EXOC4: variants seen among roughly 807,000 people sequenced by gnomAD.
EXOC4 encodes SEC8-like 1.
Under a neutral mutation model 107.2 loss-of-function variants are expected in EXOC4, and 71 were observed. The ratio of observed to expected loss-of-function variants is 0.66; its 90% CI spans 0.55 to 0.81. EXOC4 has a LOEUF of 0.81. Ranked by LOEUF, EXOC4 falls within the 30% of genes least tolerant of loss-of-function variation. The pLI, the probability that EXOC4 is intolerant of heterozygous loss-of-function variation, is 0.00. For missense variants in EXOC4, 1,108 were observed against 1,189.6 expected (o/e 0.93, Z 1.01); for synonymous variants, 456 against 441.2 (o/e 1.03, Z -0.42).
chr7:133,901,105 G>A (rs1459008078), intron 12 of EXOC4, among the ~76,000 whole-genome samples: 2 of 152,048 alleles, frequency 1.3e-5, no homozygotes, highest in East Asian at 3.9e-4. Flanking sequence ...CCTGACCTCA[G>A]GTGATCCACC....
the EXOC4 span, among the ~76,000 whole-genome samples, chr7:134,095,198 A>G: frequency 6.6e-6 from 1 of 152,080 alleles, no homozygotes; most frequent in Non-Finnish European, 1.5e-5. Flanking sequence ...ACACAATCCC[A>G]TTTATAATAG....
intron 11 of EXOC4, among the ~76,000 whole-genome samples, chr7:133,844,501 T>C (rs1798085755): frequency 6.8e-6 from 1 of 147,388 alleles, no homozygotes; most frequent in South Asian, 2.3e-4. Flanking sequence ...GGGATTCTCC[T>C]GCCTCAGCCT....
At chr7:133,782,601 T>G (rs1158248043) in intron 10 of EXOC4, among the ~76,000 whole-genome samples, 1 of 152,200 alleles carries the variant, frequency 6.6e-6, no homozygotes, top group Non-Finnish European at 1.5e-5. Flanking sequence ...CATGGGAGCC[T>G]TCTTCACATT....
intron 9 of EXOC4, among the ~76,000 whole-genome samples, chr7:133,594,826 GA>G (rs1801629883): frequency 6.6e-6 from 1 of 152,092 alleles, no homozygotes; most frequent in Non-Finnish European, 1.5e-5. Flanking sequence ...TCTGGCTCAA[GA>G]GCCTGCCGGA....
intron 3 of EXOC4, among the ~76,000 whole-genome samples, chr7:133,300,511 C>G (rs1441827738): frequency 6.6e-6 from 1 of 152,220 alleles, no homozygotes; most frequent in Non-Finnish European, 1.5e-5. Flanking sequence ...CCCCGACCAC[C>G]ATTTGTACAT....
intron 10 of EXOC4, among the ~76,000 whole-genome samples, chr7:133,787,173 C>CTTTTTTTTTTTTTTTTTT (rs3076807): frequency 7.5e-6 from 1 of 133,144 alleles, no homozygotes; most frequent in South Asian, 2.3e-4. Flanking sequence ...TTTTTCTTTT[C>CTTTTTTTTTTTTTTTTTT]TTTTTTTTTT....
intron 5 of EXOC4, among the ~76,000 whole-genome samples, chr7:133,339,272 C>T (rs978867783): frequency 2.6e-5 from 4 of 152,126 alleles, no homozygotes; most frequent in Non-Finnish European, 5.9e-5. Context: ...GGTGTCCTTT[C>T]TCTGCTTTAT....
intron 10 of EXOC4, among the ~76,000 whole-genome samples, chr7:133,780,646 G>GA (rs1796445703): frequency 6.6e-6 from 1 of 152,152 alleles, no homozygotes; most frequent in South Asian, 2.1e-4. Context: ...GTGTCATAAA[G>GA]AATCCCACAT....
intron 9 of EXOC4, among the ~76,000 whole-genome samples, chr7:133,496,689 C>G (rs950449478): frequency 7.2e-5 from 11 of 152,186 alleles, no homozygotes; most frequent in African/African-American, 2.6e-4. Context: ...CTTTTTATTG[C>G]ATGTTTCTTA....
chr7:133,418,600 C>T (rs1332263906), intron 7 of EXOC4, among the ~76,000 whole-genome samples: 2 of 152,142 alleles, frequency 1.3e-5, no homozygotes, highest in South Asian at 4.1e-4. Flanking sequence ...GGGGTGATAA[C>T]AGGAGCTCTA....
chr7:133,565,240 G>C (rs539267176), intron 9 of EXOC4, among the ~76,000 whole-genome samples: 1 of 152,248 alleles, frequency 6.6e-6, no homozygotes, highest in South Asian at 2.1e-4. Context: ...TTTGCTCTCC[G>C]AAGCATGCTG....
At chr7:133,692,670 A>G (rs1047148858) in intron 10 of EXOC4, among the ~76,000 whole-genome samples, 3 of 152,234 alleles carry the variant, frequency 2.0e-5, no homozygotes, top group Admixed American at 6.5e-5. Flanking sequence ...TTAAAAGTCA[A>G]TAGAGTTCTT....
At chr7:133,521,870 C>T (rs919539139) in intron 9 of EXOC4, among the ~76,000 whole-genome samples, 18 of 151,594 alleles carry the variant, frequency 1.2e-4, no homozygotes, top group Admixed American at 3.9e-4. Flanking sequence ...CCGCCTGCCT[C>T]GGTCTCCCAA....
intron 3 of EXOC4, among the ~76,000 whole-genome samples, chr7:133,304,668 C>T (rs1794713465): frequency 6.6e-6 from 1 of 152,172 alleles, no homozygotes; most frequent in Admixed American, 6.5e-5. Flanking sequence ...CCTTAGACTG[C>T]TGTAGTTGTG....
intron 17 of EXOC4, among the ~76,000 whole-genome samples, chr7:134,023,634 A>G (rs753649721): frequency 6.6e-6 from 1 of 152,222 alleles, no homozygotes; most frequent in Non-Finnish European, 1.5e-5. Context: ...GGTAAATGAC[A>G]AGACCATGAT....
At chr7:133,900,783 T>C (rs907396953) in intron 12 of EXOC4, among the ~76,000 whole-genome samples, 5 of 152,208 alleles carry the variant, frequency 3.3e-5, no homozygotes, top group Admixed American at 6.5e-5. Context: ...GAAATACAGA[T>C]TGAAATTAGT....
intron 8 of EXOC4, among the ~76,000 whole-genome samples, chr7:133,477,521 T>C (rs1050780024): frequency 1.3e-5 from 2 of 152,230 alleles, no homozygotes; most frequent in African/African-American, 4.8e-5. Context: ...CATTCCTTTG[T>C]GTGGATATGC....
chr7:133,378,487 A>G (rs1355482420), intron 7 of EXOC4, among the ~76,000 whole-genome samples: 1 of 152,046 alleles, frequency 6.6e-6, no homozygotes, highest in South Asian at 2.1e-4. Flanking sequence ...TAAAATTTCT[A>G]AGTCAAAAAC....
chr7:133,522,496 A>C (rs1409121303), intron 9 of EXOC4, among the ~76,000 whole-genome samples: 1 of 152,142 alleles, frequency 6.6e-6, no homozygotes, highest in Non-Finnish European at 1.5e-5. Context: ...TCCTCTTCTG[A>C]ATAACAAATA....
Sources: gnomAD v4.1 joint callset for allele counts (sites outside exome capture counted in the v4.1 genomes callset) on GRCh38, gnomAD v4.1.1 for gene constraint, MANE v1.5 for transcripts, NCBI Gene and HGNC (gene_info 2026-07-23, HGNC 2026-07-21) for gene names.